The following GREB1 variants were observed in gnomAD, a reference collection of about 807,000 sequenced individuals.
GREB1 encodes protein GREB1.
GREB1 carries 106 observed loss-of-function variants against 200.7 expected under a neutral mutation model. The observed-to-expected ratio is 0.53, with a 90% CI of 0.45 to 0.62. GREB1 has a LOEUF of 0.62. Among genes scored for constraint, GREB1 ranks in the 20% least tolerant of loss-of-function variants. GREB1 has a pLI of 0.00. For missense variants in GREB1, 2,243 were observed against 2,556.8 expected (o/e 0.88, Z 2.65); for synonymous variants, 1,132 against 1,092.4 (o/e 1.04, Z -0.72).
At chr2:11,531,907 G>A (rs1267582945), upstream of GREB1, among the ~76,000 whole-genome samples, 2 of 152,144 alleles carry the variant, frequency 1.3e-5, no homozygotes, top group African/African-American at 4.8e-5. Flanking sequence ...TAACATTTTA[G>A]TGTATTTCCT....
At chr2:11,616,917 C>A (rs1404680320) in intron 21 of GREB1, among the ~76,000 whole-genome samples, 197 bp downstream of exon 21, 1 of 152,240 alleles carries the variant, frequency 6.6e-6, no homozygotes, top group African/African-American at 2.4e-5. Context: ...AACTTGAAGA[C>A]TGAGCAAGAC....
intron 10 of GREB1, 131 bp from the exon 11 acceptor site, chr2:11,592,645 C>G (rs551184558): frequency 1.7e-6 from 1 of 574,032 alleles, no homozygotes; most frequent in African/African-American, 2.0e-5. Flanking sequence ...ATGCCCTCCC[C>G]TCGTGCTCCA....
intron 2 of GREB1, among the ~76,000 whole-genome samples, chr2:11,557,960 T>A (rs2147882021): frequency 6.6e-6 from 1 of 152,360 alleles, no homozygotes; most frequent in South Asian, 2.1e-4. Flanking sequence ...TGGTGGAATA[T>A]GAATTACCTG....
At position 11,562,551 on chromosome 2, in the gene GREB1, C is replaced by T; in HGVS notation, c.246C>T (p.His82=). ...TNGPPNPFQL[H]PLPEGCCTTD... Reference sequence around the variant, plus strand: ...GCCCCCCAAACCCTTTCCAGCTGCACCCTCTGCCTGAAGGATGCTGTACCA... The same window carrying T: ...GCCCCCCAAACCCTTTCCAGCTGCATCCTCTGCCTGAAGGATGCTGTACCA... Residue 82 remains histidine, a synonymous_variant, in exon 3 of 33, where the codon CAC becomes CAT. Coordinates refer to ENST00000381486, the MANE Select transcript of GREB1 (RefSeq NM_014668.4). The T allele has an allele frequency of 6.2e-7, 1 of 1,600,182 alleles. No individual in the cohort carries two copies. The highest frequency in any genetic ancestry group is 8.5e-7 in the Non-Finnish European group (1 of 1,174,134).
At chr2:11,613,580 G>A (rs1683124785) in intron 19 of GREB1, among the ~76,000 whole-genome samples, 1 of 152,222 alleles carries the variant, frequency 6.6e-6, no homozygotes, top group Non-Finnish European at 1.5e-5. Flanking sequence ...ACGGCCCTGT[G>A]CATGCTGCAT....
At chr2:11,529,158 C>T (rs1408764482), upstream of GREB1, among the ~76,000 whole-genome samples, 1 of 152,014 alleles carries the variant, frequency 6.6e-6, no homozygotes, top group East Asian at 1.9e-4. Flanking sequence ...CCCCTCAACC[C>T]CATGAGAGAA....
At chr2:11,616,282 C>G (rs1393978514) in intron 20 of GREB1, among the ~76,000 whole-genome samples, 1 of 152,256 alleles carries the variant, frequency 6.6e-6, no homozygotes, top group African/African-American at 2.4e-5. Context: ...ACCTGCAAAA[C>G]CCTGAGGCCC....
intron 1 of GREB1, among the ~76,000 whole-genome samples, chr2:11,547,381 T>C (rs1675385675): frequency 6.6e-6 from 1 of 152,202 alleles, no homozygotes; most frequent in African/African-American, 2.4e-5. Flanking sequence ...AGTTTCTTCA[T>C]ATGGGATAAA....
In GREB1 at chr2:11,618,414, G is replaced by T. The variant is rs61741327; in HGVS notation, c.3539G>T (p.Arg1180Leu). The T allele has an allele frequency of 3.7e-6, 6 of 1,609,044 alleles. No homozygotes were observed. In the South Asian group the frequency reaches 5.5e-5, roughly 15 times the overall value. ...GCCCCTGGTGAGAAACAGAGGCCCC[G>T]GGCAAGTCAGGGGCCACCCTCGGCC... ...GRAPGEKQRP[R>L]ASQGPPSAIS... Residue 1180 changes from arginine to leucine, a missense_variant, in exon 22 of 33, where the codon CGG (arginine) becomes CTG (leucine). Coordinates refer to ENST00000381486, the MANE Select transcript of GREB1 (RefSeq NM_014668.4).
chr2:11,536,840 A>G (rs1180752936), intron 1 of GREB1, among the ~76,000 whole-genome samples: 1 of 152,234 alleles, frequency 6.6e-6, no homozygotes, highest in Non-Finnish European at 1.5e-5. Flanking sequence ...AAACTTTGCT[A>G]ATTTTCTCCT....
intron 6 of GREB1, among the ~76,000 whole-genome samples, chr2:11,578,942 C>A (rs1049774056): frequency 6.6e-6 from 1 of 152,158 alleles, no homozygotes; most frequent in African/African-American, 2.4e-5. Flanking sequence ...ACCTCGTGGG[C>A]CGGAGGAGGT....
chr2:11,574,690 G>A (rs1678663334), intron 4 of GREB1, among the ~76,000 whole-genome samples: 1 of 152,196 alleles, frequency 6.6e-6, no homozygotes, highest in Admixed American at 6.5e-5. Context: ...TGAACAATTG[G>A]CCTCTCTGGT....
intron 30 of GREB1, among the ~76,000 whole-genome samples, chr2:11,636,998 A>G (rs1445924190): frequency 1.6e-5 from 1 of 63,212 alleles, no homozygotes; most frequent in Non-Finnish European, 3.3e-5. Flanking sequence ...AGAGGTAGGG[A>G]CAGAGGCAGG....
chr2:11,571,880 T>G (rs1678339254), intron 4 of GREB1, among the ~76,000 whole-genome samples: 1 of 152,030 alleles, frequency 6.6e-6, no homozygotes, highest in South Asian at 2.1e-4. Flanking sequence ...CCAGCTAATT[T>G]TTTTGTATTT....
Position 11,634,113 on chromosome 2 carries a change from T to A in GREB1, c.4992-18T>A. 6.2e-7 allele frequency: 1 copy of A among 1,602,742 alleles called. No individual in the cohort carries two copies. Among genetic ancestry groups the A allele is most frequent in the Non-Finnish European group, 8.5e-7 (1 of 1,169,728 alleles). On this transcript the variant is annotated intron_variant, in intron 28 of 32. Transcript: ENST00000381486. ...CTCGTGTGTCAGCCTAGGGACTCAC[T>A]CTCCCTCCTTGGAGCAGGGAGTTCT...
Position 11,566,658 on chromosome 2 carries a change from T to C in GREB1, c.454+2T>C. 6.2e-7 allele frequency: 1 copy of C among 1,609,988 alleles called. No individual in the cohort carries two copies. The highest frequency in any genetic ancestry group is 8.5e-7 in the Non-Finnish European group (1 of 1,177,554). ...ACAATGGCCACAATGCTCTTCTTGG[T>C]AAGTACTGCTTTGTCATCCTCTGTG... On this transcript the variant is annotated splice_donor_variant, in intron 4 of 32. Transcript: ENST00000381486. LOFTEE classifies it high-confidence loss of function.
intron 10 of GREB1, among the ~76,000 whole-genome samples, chr2:11,592,385 A>G (rs1041718778): frequency 4.7e-5 from 7 of 149,844 alleles, no homozygotes; most frequent in African/African-American, 1.7e-4. Flanking sequence ...GCTTGAGGAC[A>G]TATTCTTTTT....
Position 11,538,731 on chromosome 2 carries a change from TCA to T in GREB1, c.-162+4479_-162+4480del. Among the ~76,000 whole-genome samples, 2 of 119,304 alleles carry T rather than the reference TCA, an allele frequency of 1.7e-5. 1 individual carries two copies. Among genetic ancestry groups the T allele is most frequent in the African/African-American group, 6.6e-5 (2 of 30,320 alleles). The allele number at this position is 119,304 out of a possible 152,430, so 78.3% of individuals were successfully genotyped here. On this transcript the variant is annotated intron_variant, in intron 1 of 32. Transcript: ENST00000381486. ...CTCCCTTCCTCCCTCCCCCTCTCTC[TCA>T]CTTTCCCTTCCTTCTTTCCTTCCTT...
At chr2:11,603,513 C>G (rs779566441) in intron 17 of GREB1, among the ~76,000 whole-genome samples, 10 of 152,212 alleles carry the variant, frequency 6.6e-5, no homozygotes, top group Non-Finnish European at 1.2e-4. Context: ...GTTCTTGGAG[C>G]CTTCAGCACA....
Sources: gnomAD v4.1 joint callset for allele counts (sites outside exome capture counted in the v4.1 genomes callset) on GRCh38, gnomAD v4.1.1 for gene constraint, MANE v1.5 for transcripts, NCBI Gene and HGNC (gene_info 2026-07-23, HGNC 2026-07-21) for gene names.